ADCY3: variants seen among roughly 807,000 people sequenced by gnomAD.
ADCY3 encodes adenylate cyclase type 3.
A neutral mutation model predicts 119.4 loss-of-function variants in ADCY3; 70 were observed. The ratio of observed to expected loss-of-function variants is 0.59; its 90% CI spans 0.48 to 0.72. The LOEUF (loss-of-function observed/expected upper bound fraction) is 0.72, where lower values mean the gene tolerates loss of function less well. Ranked by LOEUF, ADCY3 falls within the 30% of genes least tolerant of loss-of-function variation. The pLI is 0.00. For synonymous variants in ADCY3, 672 were observed against 621.4 expected, an observed-to-expected ratio of 1.08 and a Z score of -1.21; for missense variants, 1,238 against 1,541.6, an observed-to-expected ratio of 0.80 and a Z score of 3.30.
chr2:24,877,498 A>G (rs533085392), intron 2 of ADCY3, among the ~76,000 whole-genome samples: 2 of 152,308 alleles, frequency 1.3e-5, no homozygotes, highest in East Asian at 3.9e-4. Context: ...GACAGGGTAC[A>G]TTTTGGGAGT....
rs539237991 is a variant in ADCY3 at position 24,878,528 on chromosome 2, C to T, written c.676-5809G>A. ...GCTGCTCAGGGTGCAGTGTCCGTGT[C>T]GCCCACAGAGACCTATGACGTTCTG... On this transcript the variant is annotated intron_variant, in intron 2 of 21. Coordinates refer to ENST00000679454, the MANE Select transcript of ADCY3 (RefSeq NM_004036.5). This position sits in a 1 kb window ranked among gnomAD's most constrained non-coding sequence, Gnocchi z 4.0. Among the ~76,000 whole-genome samples, 5 of 152,318 alleles carry T rather than the reference C, an allele frequency of 3.3e-5. No individual in the cohort carries two copies. The highest frequency in any genetic ancestry group is 3.9e-4 in the East Asian group (2 of 5,176).
At chr2:24,833,842 C>T (rs1010014153) in intron 11 of ADCY3, among the ~76,000 whole-genome samples, 3 of 152,376 alleles carry the variant, frequency 2.0e-5, no homozygotes, top group East Asian at 1.9e-4. Context: ...CGTGGTCACA[C>T]ACCCGCAACC....
At chr2:24,853,049 TGTGTGTGTGTGTGTGTGTA>T (rs1672564444) in intron 3 of ADCY3, among the ~76,000 whole-genome samples, 1 of 128,614 alleles carries the variant, frequency 7.8e-6, no homozygotes, top group African/African-American at 3.1e-5. Flanking sequence ...TGTGTGTGTG[TGTGTGTGTGTGTGTGTGTA>T]GGGGTGTTAT....
At chr2:24,861,633 C>T (rs899057046) in intron 3 of ADCY3, among the ~76,000 whole-genome samples, 1 of 152,198 alleles carries the variant, frequency 6.6e-6, no homozygotes, top group Non-Finnish European at 1.5e-5. Context: ...CCTCTAGTAC[C>T]GGCCTGCACT....
chr2:24,838,354 C>CT, intron 8 of ADCY3, 91 bp downstream of exon 8: 1 of 1,343,588 alleles, frequency 7.4e-7, no homozygotes, highest in African/African-American at 1.5e-5. Context: ...CCTGCCACCT[C>CT]TTCTGCAATC....
At chr2:24,862,208 G>C (rs2148732527) in intron 3 of ADCY3, among the ~76,000 whole-genome samples, 1 of 152,292 alleles carries the variant, frequency 6.6e-6, no homozygotes, top group East Asian at 1.9e-4. Context: ...CACGTGCAAG[G>C]CCTGTCCCAG....
intron 2 of ADCY3, among the ~76,000 whole-genome samples, chr2:24,882,653 T>G (rs562672889): frequency 1.6e-4 from 25 of 152,372 alleles, no homozygotes; most frequent in Non-Finnish European, 3.2e-4. Context: ...CATGTCTTTT[T>G]ACAAAGTGGT....
chr2:24,856,180 A>AGTGTGTGTGT (rs111720839), intron 3 of ADCY3, among the ~76,000 whole-genome samples: 11 of 151,638 alleles, frequency 7.3e-5, no homozygotes, highest in African/African-American at 2.7e-4. Context: ...GAATGTGGAG[A>AGTGTGTGTGT]GTGTGTGTGT....
At chr2:24,826,251 G>A (rs1668601506) in intron 15 of ADCY3, 125 bp from the exon 16 acceptor site, 4 of 798,526 alleles carry the variant, frequency 5.0e-6, no homozygotes, top group Admixed American at 2.8e-5. Flanking sequence ...CGGCTCCTTA[G>A]GCCCTTTCAC....
rs981851514 is a variant in ADCY3 at position 24,833,021 on chromosome 2, C to T, written c.1968-1272G>A. 5.3e-5 allele frequency among the ~76,000 whole-genome samples: 8 copies of T among 152,376 alleles called. No homozygotes were observed. The East Asian group carries it at 1.5e-3, about 29-fold the overall frequency. On this transcript the variant is annotated intron_variant, in intron 11 of 21. Transcript: ENST00000679454. ...TCTGTCTCCAAAATACATTCAGCAT[C>T]TATCGACGGAATCCAACCACTGATC...
intron 2 of ADCY3, among the ~76,000 whole-genome samples, chr2:24,879,178 G>A (rs932984101): frequency 6.6e-6 from 1 of 152,110 alleles, no homozygotes; most frequent in Non-Finnish European, 1.5e-5. Flanking sequence ...GTTCCAGTAA[G>A]ACTGAAAGAC....
At chr2:24,836,630 C>T (rs1422961728) in intron 9 of ADCY3, among the ~76,000 whole-genome samples, 1 of 152,200 alleles carries the variant, frequency 6.6e-6, no homozygotes, top group Non-Finnish European at 1.5e-5. Flanking sequence ...TGGATGTCCT[C>T]ACTGATCTCA....
intron 2 of ADCY3, among the ~76,000 whole-genome samples, chr2:24,879,452 C>CAAAAAA (rs34029858): frequency 1.5e-5 from 1 of 66,084 alleles, no homozygotes; most frequent in Non-Finnish European, 2.9e-5. Flanking sequence ...GACTCTGTCT[C>CAAAAAA]AAAAAAAAAA....
rs114635235 is a variant in ADCY3 at position 24,897,556 on chromosome 2, G to A, written c.675+20757C>T. Among the ~76,000 whole-genome samples the A allele has an allele frequency of 1.2e-3, 182 of 152,246 alleles. 1 individual carries two copies. The highest frequency in any genetic ancestry group is 4.0e-3 in the African/African-American group (165 of 41,542). Reference sequence around the variant, plus strand: ...CAGAGCACCTGACACAGTGCCCGGCGCGAAACAGGTGCTTGGTCAGTGTTC... The same window carrying A: ...CAGAGCACCTGACACAGTGCCCGGCACGAAACAGGTGCTTGGTCAGTGTTC... On this transcript the variant is annotated intron_variant, in intron 2 of 21. Coordinates refer to ENST00000679454, the MANE Select transcript of ADCY3 (RefSeq NM_004036.5).
At chr2:24,825,334 C>CGGGGGG (rs768838126) in intron 16 of ADCY3, among the ~76,000 whole-genome samples, 3 of 81,534 alleles carry the variant, frequency 3.7e-5, no homozygotes, top group Admixed American at 2.0e-4. Context: ...GTGGTTGTGG[C>CGGGGGG]GGGGGGGGGG....
chr2:24,853,009 TGTGTGTGTGTGTGTGTGTG>T (rs1558455213), intron 3 of ADCY3, among the ~76,000 whole-genome samples: 2 of 3,686 alleles, frequency 5.4e-4, no homozygotes, highest in Non-Finnish European at 1.2e-3. Context: ...CTGGAGGGTG[TGTGTGTGTGTGTGTGTGTG>T]TGTGTGTGTG....
rs11684619 is a variant in ADCY3, at chr2:24,855,990, G to C, written c.826-13606C>G. On this transcript the variant is annotated intron_variant, in intron 3 of 21. Transcript: ENST00000679454. ...CAGCCAGCACTGTTCCCAGGGGCCC[G>C]AGCTGTTACAGCTGAGGCTCTGATG... 1.0e-3 allele frequency among the ~76,000 whole-genome samples: 152 copies of C among 152,168 alleles called. 2 individuals carry two copies. Among genetic ancestry groups the C allele is most frequent in the Non-Finnish European group, 4.9e-4 (33 of 67,998 alleles).
chr2:24,871,960 C>T (rs766052478), intron 3 of ADCY3, among the ~76,000 whole-genome samples: 20 of 152,222 alleles, frequency 1.3e-4, no homozygotes, highest in African/African-American at 1.9e-4. Context: ...AGGGCATCCC[C>T]GGGGAACAGG....
At chr2:24,831,200 T>TA (rs1407022197) in intron 12 of ADCY3, among the ~76,000 whole-genome samples, 1 of 149,842 alleles carries the variant, frequency 6.7e-6, no homozygotes, top group African/African-American at 2.5e-5. Flanking sequence ...TTTATGTTCC[T>TA]AAACACTGCT....
Sources: allele counts gnomAD v4.1 joint callset (sites outside exome capture counted in the v4.1 genomes callset), GRCh38; gene constraint gnomAD v4.1.1; non-coding constraint Gnocchi (gnomAD v3.1); transcripts MANE v1.5; gene names NCBI Gene and HGNC (gene_info 2026-07-23, HGNC 2026-07-21).